FAM228B: variants seen among roughly 807,000 people sequenced by gnomAD.
The protein encoded by FAM228B is family with sequence similarity 228 member B, also known as protein FAM228B.
Under a neutral mutation model 42.6 loss-of-function variants are expected in FAM228B, and 38 were observed. That is an observed-to-expected ratio of 0.89 (90% CI 0.69 to 1.17). The LOEUF (loss-of-function observed/expected upper bound fraction) is 1.17. Ranked by LOEUF, FAM228B falls within the 50% of genes most tolerant of loss-of-function variation. FAM228B has a pLI of 0.00. For synonymous variants in FAM228B, 109 were observed against 122.3 expected (o/e 0.89, Z 0.72); for missense variants, 344 against 367.3 (o/e 0.94, Z 0.52).
At chr2:24,116,988 T>C (rs1665938707) in intron 3 of FAM228B, among the ~76,000 whole-genome samples, 1 of 150,828 alleles carries the variant, frequency 6.6e-6, no homozygotes, top group East Asian at 1.9e-4. Context: ...GACTCTCTAA[T>C]ATATTTATTT....
At chr2:24,124,513 G>T (rs1666253460) in intron 2 of FAM228B, 53 bp downstream of exon 2, 3 of 1,107,726 alleles carry the variant, frequency 2.7e-6, no homozygotes. Context: ...GATCGTTGCA[G>T]TAGGAAGTGG....
Position 24,084,716 on chromosome 2 carries a change from G to A in FAM228B, c.-210+3761G>A. 2 of 170,474 alleles carry A rather than the reference G, an allele frequency of 1.2e-5. No homozygotes were observed. The highest frequency in any genetic ancestry group is 1.2e-5 in the Non-Finnish European group (1 of 80,598). The allele number at this position is 170,474 out of a possible 1,614,324, so 10.6% of individuals were successfully genotyped here. On this transcript the variant is annotated intron_variant, in intron 2 of 10. Transcript: ENST00000613899. This position sits in a 1 kb window ranked among gnomAD's most constrained non-coding sequence, Gnocchi z 8.4. The stretch of plus-strand genomic sequence containing the variant: ...AGCCCGACCCGGGTCCCCGGCGCCC[G>A]TATGAGTTACTTACTCCTGGCCCGG...
chr2:24,146,803 A>C lies in FAM228B; in HGVS notation c.497A>C (p.Asn166Thr). 1 of 1,550,198 alleles carries C rather than the reference A, an allele frequency of 6.5e-7. No individual in the cohort carries two copies. Among genetic ancestry groups the C allele is most frequent in the Non-Finnish European group, 8.7e-7 (1 of 1,145,828 alleles). ...AAAAAAGCACAATATGACAAGGATA[A>C]CGAAAAAAGAACTCTTCTTCAGTGT... ...PLKKAQYDKDNEKRTLLQCET... is the reference protein window; with the variant it reads ...PLKKAQYDKDTEKRTLLQCET... Residue 166 changes from asparagine to threonine, a missense_variant, in exon 6 of 11, where the codon AAC (asparagine) becomes ACC (threonine). By Grantham distance (65) the Asn-to-Thr change is moderately conservative. Coordinates refer to ENST00000615575, the MANE Select transcript of FAM228B (RefSeq NM_001145710.2).
intron 3 of FAM228B, 97 bp from the exon 4 acceptor site, chr2:24,137,812 A>G: frequency 1.3e-6 from 1 of 741,948 alleles, no homozygotes. Context: ...GGTTATTCTT[A>G]GGAGTAATTT....
intron 7 of FAM228B, among the ~76,000 whole-genome samples, chr2:24,155,527 A>ATTT (rs1467147806): frequency 3.2e-3 from 61 of 18,990 alleles, no homozygotes; most frequent in African/African-American, 8.2e-3. Flanking sequence ...ATATATATAT[A>ATTT]TATATTTTTT....
chr2:24,129,482 T>C (rs557885506), intron 2 of FAM228B, among the ~76,000 whole-genome samples: 3 of 152,292 alleles, frequency 2.0e-5, no homozygotes, highest in African/African-American at 7.2e-5. Context: ...TCGTTTGATA[T>C]TGTCTCATAG....
At chr2:24,106,911 C>G (rs770068298) in intron 3 of FAM228B, among the ~76,000 whole-genome samples, 3 of 151,934 alleles carry the variant, frequency 2.0e-5, no homozygotes, top group Non-Finnish European at 4.4e-5. Context: ...ATGACAGGAT[C>G]AAATCTGCAC....
At chr2:24,160,983 T>C (rs1173644841) in intron 7 of FAM228B, among the ~76,000 whole-genome samples, 1 of 152,210 alleles carries the variant, frequency 6.6e-6, no homozygotes, top group Non-Finnish European at 1.5e-5. Flanking sequence ...TGATCCTTGG[T>C]TCTCAGTAAA....
At chr2:24,138,804 G>C (rs972410327) in intron 4 of FAM228B, among the ~76,000 whole-genome samples, 5 of 151,780 alleles carry the variant, frequency 3.3e-5, no homozygotes, top group Admixed American at 1.3e-4. Context: ...AAATTAGCCA[G>C]GCATGGTGGT....
intron 2 of FAM228B, among the ~76,000 whole-genome samples, chr2:24,092,006 C>A (rs949179837): frequency 1.4e-4 from 21 of 150,388 alleles, no homozygotes; most frequent in Admixed American, 6.6e-4. Flanking sequence ...CCGAGGTGGG[C>A]AGATCACTTG....
chr2:24,126,605 T>G (rs977424476), intron 2 of FAM228B, among the ~76,000 whole-genome samples: 1 of 150,814 alleles, frequency 6.6e-6, no homozygotes, highest in African/African-American at 2.4e-5. Flanking sequence ...TGCCATAAGA[T>G]TCACTACTTT....
In FAM228B at chr2:24,095,680, A is replaced by G. The variant is rs559016683; in HGVS notation, c.-121+451A>G. 5.2e-5 allele frequency: 8 copies of G among 152,466 alleles called. No homozygotes were observed. The highest frequency in any genetic ancestry group is 8.8e-5 in the Non-Finnish European group (6 of 68,210). The allele number at this position is 152,466 out of a possible 1,614,324, so 9.4% of individuals were successfully genotyped here. On this transcript the variant is annotated intron_variant, in intron 3 of 10. Transcript: ENST00000613899. The surrounding 1 kb of genome is among the most constrained non-coding windows in gnomAD (Gnocchi z 4.8). ...TAGACTCCATCTCTGTGGCCAGGGCATAGCTGAACAAAAGGCAGCAGACAA... is the reference window on the plus strand; with the variant it reads ...TAGACTCCATCTCTGTGGCCAGGGCGTAGCTGAACAAAAGGCAGCAGACAA...
chr2:24,127,382 T>A (rs1273219373), intron 2 of FAM228B, among the ~76,000 whole-genome samples: 1 of 152,242 alleles, frequency 6.6e-6, no homozygotes, highest in African/African-American at 2.4e-5. Flanking sequence ...TTTTTGCTGT[T>A]ATGAATAATG....
At chr2:24,108,618 T>C (rs1449285355) in intron 3 of FAM228B, among the ~76,000 whole-genome samples, 1 of 152,094 alleles carries the variant, frequency 6.6e-6, no homozygotes, top group African/African-American at 2.4e-5. Flanking sequence ...CATATGCAAA[T>C]TGGCCGGGCA....
At chr2:24,103,126 T>G (rs1011526257) in intron 3 of FAM228B, among the ~76,000 whole-genome samples, 2 of 152,224 alleles carry the variant, frequency 1.3e-5, no homozygotes, top group Non-Finnish European at 2.9e-5. Context: ...AAAGAAATCA[T>G]GCAATTTAAA....
intron 2 of FAM228B, chr2:24,087,422 T>G (rs1309530456): frequency 6.6e-6 from 1 of 152,138 alleles, no homozygotes. Context: ...GCAGAGCTCC[T>G]AAAACCCTTG....
At chr2:24,151,293 GT>G (rs1228310560) in intron 7 of FAM228B, among the ~76,000 whole-genome samples, 24 of 142,964 alleles carry the variant, frequency 1.7e-4, no homozygotes, top group Admixed American at 2.1e-4. Context: ...TTTGTTTTTT[GT>G]TTTTTTTTTT....
intron 7 of FAM228B, among the ~76,000 whole-genome samples, chr2:24,156,168 A>C (rs1198792699): frequency 6.6e-6 from 1 of 152,196 alleles, no homozygotes; most frequent in African/African-American, 2.4e-5. Flanking sequence ...ACATAAGTCA[A>C]ATTCAACCTA....
intron 3 of FAM228B, among the ~76,000 whole-genome samples, chr2:24,117,651 C>A (rs188451011): frequency 1.3e-5 from 2 of 152,218 alleles, no homozygotes; most frequent in Admixed American, 1.3e-4. Context: ...CCATGTTGGC[C>A]AGGCTGGTCC....
Sources: gnomAD v4.1 joint callset for allele counts (sites outside exome capture counted in the v4.1 genomes callset) on GRCh38, gnomAD v4.1.1 for gene constraint, Gnocchi (gnomAD v3.1) non-coding constraint, MANE v1.5 for transcripts, NCBI Gene and HGNC (gene_info 2026-07-23, HGNC 2026-07-21) for gene names.